HEATR5A: variants seen among roughly 807,000 people sequenced by gnomAD.
HEATR5A encodes the protein HEAT repeat containing 5A.
A neutral mutation model predicts 218.8 loss-of-function variants in HEATR5A; 178 were observed. The observed-to-expected ratio is 0.81, with a 90% CI of 0.72 to 0.92. HEATR5A has a LOEUF of 0.92. Ranked by LOEUF, HEATR5A falls within the 40% of genes least tolerant of loss-of-function variation. The pLI is 0.00. For synonymous variants in HEATR5A, 864 were observed against 871.6 expected, an observed-to-expected ratio of 0.99 and a Z score of 0.15; for missense variants, 2,420 against 2,418.9, an observed-to-expected ratio of 1.00 and a Z score of -0.01.
chr14:31,355,560 C>T (rs1901395724), intron 16 of HEATR5A, among the ~76,000 whole-genome samples: 1 of 151,936 alleles, frequency 6.6e-6, no homozygotes, highest in Non-Finnish European at 1.5e-5. Context: ...TTATGAAACC[C>T]CATCTCCACT....
At chr14:31,397,581 C>G (rs2030704339) in intron 4 of HEATR5A, among the ~76,000 whole-genome samples, 1 of 151,688 alleles carries the variant, frequency 6.6e-6, no homozygotes, top group African/African-American at 2.4e-5. Flanking sequence ...ATTGCTGGAG[C>G]CCAGGAGGCG....
intron 10 of HEATR5A, 119 bp from the exon 11 acceptor site, chr14:31,380,697 G>C: frequency 2.9e-6 from 2 of 679,710 alleles, no homozygotes; most frequent in South Asian, 3.8e-5. Context: ...AAACGATAAA[G>C]AACTGTCATT....
chr14:31,310,153 T>G (rs1402307726), intron 28 of HEATR5A, among the ~76,000 whole-genome samples: 3 of 151,468 alleles, frequency 2.0e-5, no homozygotes, highest in African/African-American at 7.3e-5. Context: ...CATACGCTAT[T>G]TTTTTTTGTG....
intron 22 of HEATR5A, among the ~76,000 whole-genome samples, chr14:31,331,098 G>A (rs142428360): frequency 4.6e-5 from 7 of 151,372 alleles, no homozygotes; most frequent in Non-Finnish European, 5.9e-5. Flanking sequence ...CCACCACCAC[G>A]CATGGCTAAG....
chr14:31,319,962 T>G (rs1900036969), intron 25 of HEATR5A, among the ~76,000 whole-genome samples: 1 of 152,060 alleles, frequency 6.6e-6, no homozygotes, highest in Non-Finnish European at 1.5e-5. Flanking sequence ...GCCAAAATCA[T>G]GCCACTGCAC....
At chr14:31,336,742 C>T (rs1335985265) in intron 22 of HEATR5A, among the ~76,000 whole-genome samples, 1 of 152,126 alleles carries the variant, frequency 6.6e-6, no homozygotes, top group Non-Finnish European at 1.5e-5. Context: ...TATTTAAGGG[C>T]TAATCCCATT....
In HEATR5A at chr14:31,358,797, C is replaced by T; in HGVS notation, c.2251G>A (p.Gly751Ser). The change falls in exon 16 of 36, where the codon GGT becomes AGT. Residue 751 changes from glycine (G) to serine (S), a missense_variant. Coordinates refer to ENST00000543095, the MANE Select transcript of HEATR5A (RefSeq NM_015473.4). ...TATTCAAGACTTCCGCAAGCAACAC[C>T]ATTACCAAGCAGGAGCTAAAAGGGA... ...FIEEQLLLGN[G>S]VACGSLEYDP... is the part of the protein sequence containing the mutation. 6.2e-7 allele frequency: 1 copy of T among 1,613,450 alleles called. No individual in the cohort carries two copies.
intron 6 of HEATR5A, among the ~76,000 whole-genome samples, chr14:31,392,429 A>C (rs1393183624): frequency 6.6e-6 from 1 of 152,156 alleles, no homozygotes; most frequent in African/African-American, 2.4e-5. Flanking sequence ...TGTGTTCTCC[A>C]AGAGAAAACT....
intron 16 of HEATR5A, among the ~76,000 whole-genome samples, chr14:31,357,870 G>C (rs1437947372): frequency 3.3e-5 from 5 of 152,148 alleles, no homozygotes; most frequent in African/African-American, 9.7e-5. Flanking sequence ...GTGTTCTAAA[G>C]CAGGGGGGCC....
At position 31,358,972 on chromosome 14, in the gene HEATR5A, T is replaced by A; in HGVS notation, c.2157A>T (p.Pro719=). The A allele has an allele frequency of 1.3e-6, 2 of 1,589,460 alleles. No individual in the cohort carries two copies. Among genetic ancestry groups the A allele is most frequent in the Non-Finnish European group, 1.7e-6 (2 of 1,174,292 alleles). ...AAAGATCATCCTGATGACAGAGGGG[T>A]GGAAGTAAAAATGTAGATGCTGCCA... The part of the protein sequence containing the change: ...IQVAASTFLL[P]PLCHQDDLLI... Residue 719 remains proline, a synonymous_variant, in exon 15 of 36, where the codon CCA becomes CCT. Coordinates refer to ENST00000543095, the MANE Select transcript of HEATR5A (RefSeq NM_015473.4).
intron 16 of HEATR5A, 44 bp downstream of exon 16, chr14:31,358,593 C>T (rs1392158933): frequency 6.6e-7 from 1 of 1,512,496 alleles, no homozygotes; most frequent in South Asian, 1.2e-5. Flanking sequence ...TTCTTACCCA[C>T]CAGTTCTCTA....
At chr14:31,356,350 C>T (rs893840015) in intron 16 of HEATR5A, among the ~76,000 whole-genome samples, 2 of 152,188 alleles carry the variant, frequency 1.3e-5, no homozygotes, top group African/African-American at 4.8e-5. Flanking sequence ...GAACCTCCCA[C>T]CTCAGCCTCC....
intron 33 of HEATR5A, chr14:31,296,776 A>G (rs1899200940): frequency 6.6e-6 from 1 of 152,220 alleles, no homozygotes; most frequent in African/African-American, 2.4e-5. Flanking sequence ...CAAAAAAGAA[A>G]GATGTAGCAA....
intron 22 of HEATR5A, chr14:31,334,491 C>T (rs372946856): frequency 4.4e-5 from 20 of 453,650 alleles, no homozygotes; most frequent in African/African-American, 6.0e-5. Context: ...CAGAATATTA[C>T]GTGAATTTAG....
At chr14:31,374,991 C>T in intron 11 of HEATR5A, 23 bp from the exon 12 acceptor site, 1 of 1,573,784 alleles carries the variant, frequency 6.4e-7, no homozygotes. Context: ...CAACTTGTCA[C>T]TTGTAAGAGA....
intron 14 of HEATR5A, among the ~76,000 whole-genome samples, chr14:31,363,906 A>C (rs1336822465): frequency 6.6e-6 from 1 of 152,078 alleles, no homozygotes; most frequent in African/African-American, 2.4e-5. Flanking sequence ...TTTGAGCCCA[A>C]GGCTGAAGTG....
chr14:31,398,409 A>G (rs1277007564), intron 4 of HEATR5A, among the ~76,000 whole-genome samples: 1 of 152,184 alleles, frequency 6.6e-6, no homozygotes, highest in African/African-American at 2.4e-5. Flanking sequence ...GAGAGTAGGG[A>G]TGGGACTGTA....
At chr14:31,347,278 C>A (rs1901054508) in intron 19 of HEATR5A, among the ~76,000 whole-genome samples, 1 of 152,220 alleles carries the variant, frequency 6.6e-6, no homozygotes, top group Non-Finnish European at 1.5e-5. Flanking sequence ...GTGGCACAAT[C>A]TGGACTTATG....
chr14:31,307,841 C>A (rs1899603935), intron 30 of HEATR5A, 52 bp downstream of exon 30: 14 of 1,569,126 alleles, frequency 8.9e-6, no homozygotes, highest in Non-Finnish European at 7.7e-6. Flanking sequence ...GAACATGTTT[C>A]TCTTCCTTAA....
Sources: gnomAD v4.1 joint callset for allele counts (sites outside exome capture counted in the v4.1 genomes callset) on GRCh38, gnomAD v4.1.1 for gene constraint, MANE v1.5 for transcripts, NCBI Gene and HGNC (gene_info 2026-07-23, HGNC 2026-07-21) for gene names.